VIPR2: variants seen among roughly 807,000 people sequenced by gnomAD.
The protein encoded by VIPR2 is vasoactive intestinal polypeptide receptor 2.
Under a neutral mutation model 58.0 loss-of-function variants are expected in VIPR2, and 48 were observed. That is an observed-to-expected ratio of 0.83 (90% CI 0.66 to 1.05). VIPR2 has a LOEUF of 1.05. Ranked by LOEUF, VIPR2 falls within the 50% of genes least tolerant of loss-of-function variation. The pLI, the probability that VIPR2 is intolerant of heterozygous loss-of-function variation, is 0.00. For synonymous variants in VIPR2, 243 were observed against 235.2 expected, an observed-to-expected ratio of 1.03 and a Z score of -0.30; for missense variants, 534 against 558.0, an observed-to-expected ratio of 0.96 and a Z score of 0.43.
At chr7:159,117,541 T>C (rs1234948844) in intron 2 of VIPR2, 1 of 649,774 alleles carries the variant, frequency 1.5e-6, no homozygotes, top group Non-Finnish European at 2.8e-6. Context: ...GCAACTCCAG[T>C]TGTCACCTGC....
chr7:159,074,367 T>C (rs1856544263), intron 4 of VIPR2, among the ~76,000 whole-genome samples: 1 of 152,202 alleles, frequency 6.6e-6, no homozygotes, highest in African/African-American at 2.4e-5. Context: ...CAGGACGCCA[T>C]TTCCTATGTT....
At chr7:159,042,967 C>T in intron 6 of VIPR2, 68 bp downstream of exon 6, 1 of 1,564,410 alleles carries the variant, frequency 6.4e-7, no homozygotes, top group Non-Finnish European at 8.7e-7. Flanking sequence ...GAGACGTCCT[C>T]ATCGTGAGAA....
rs567676523 is a variant in VIPR2 at position 159,078,056 on chromosome 7, A to C, written c.358-19478T>G. Among the ~76,000 whole-genome samples the C allele has an allele frequency of 7.2e-5, 11 of 152,236 alleles. 1 individual carries two copies. Among genetic ancestry groups the C allele is most frequent in the Admixed American group, 6.5e-4 (10 of 15,282 alleles). On this transcript the variant is annotated intron_variant, in intron 4 of 12. Transcript: ENST00000262178. ...GAGAAATCGCTGCCACAGTTCATGC[A>C]TGGACAACATTCATGCCTGTTCCTG...
chr7:159,130,482 C>A (rs1184175596), intron 2 of VIPR2, among the ~76,000 whole-genome samples: 1 of 151,770 alleles, frequency 6.6e-6, no homozygotes, highest in Non-Finnish European at 1.5e-5. Context: ...TGTCTGACAC[C>A]ATGGCTCCAC....
intron 4 of VIPR2, among the ~76,000 whole-genome samples, chr7:159,060,112 A>G (rs1855554486): frequency 7.0e-6 from 1 of 143,712 alleles, no homozygotes; most frequent in African/African-American, 2.6e-5. Context: ...TCACCTAATC[A>G]CCACCTTCAC....
At chr7:159,036,051 G>A (rs144147346) in intron 7 of VIPR2, 39 bp from the exon 8 acceptor site, 249 of 1,596,610 alleles carry the variant, frequency 1.6e-4, no homozygotes, top group African/African-American at 4.2e-4. Flanking sequence ...GGAGCGGAGC[G>A]GTGTGCACGC....
At chr7:159,126,553 A>C (rs993084807) in intron 2 of VIPR2, among the ~76,000 whole-genome samples, 11 of 152,242 alleles carry the variant, frequency 7.2e-5, no homozygotes, top group Non-Finnish European at 7.3e-5. Flanking sequence ...CCTGGAATGC[A>C]CGGAGTACAG....
intron 8 of VIPR2, 95 bp downstream of exon 8, chr7:159,035,857 C>T (rs935713356): frequency 1.2e-5 from 19 of 1,524,078 alleles, no homozygotes; most frequent in Non-Finnish European, 1.4e-5. Flanking sequence ...GCTCCCTGTC[C>T]TTCCAACCAG....
chr7:159,085,452 C>T (rs1303053220), intron 4 of VIPR2, among the ~76,000 whole-genome samples: 2 of 152,186 alleles, frequency 1.3e-5, no homozygotes, highest in Admixed American at 6.5e-5. Context: ...CGTGCCACCA[C>T]GCCCGGCTAA....
At chr7:159,040,727 G>A (rs1854275572) in intron 6 of VIPR2, among the ~76,000 whole-genome samples, 1 of 152,222 alleles carries the variant, frequency 6.6e-6, no homozygotes, top group Non-Finnish European at 1.5e-5. Context: ...TCAACTGGAA[G>A]GAAAGCTATT....
At chr7:159,074,748 G>A (rs898344590) in intron 4 of VIPR2, among the ~76,000 whole-genome samples, 3 of 152,206 alleles carry the variant, frequency 2.0e-5, no homozygotes, top group African/African-American at 7.2e-5. Context: ...AACACTTTGG[G>A]AGGCTGAGGT....
At chr7:159,072,217 G>C (rs1856445215) in intron 4 of VIPR2, among the ~76,000 whole-genome samples, 1 of 151,904 alleles carries the variant, frequency 6.6e-6, no homozygotes, top group South Asian at 2.1e-4. Flanking sequence ...AAGGCACGAT[G>C]GTACCGGCAG....
At chr7:159,107,471 G>C (rs1209834943) in intron 3 of VIPR2, among the ~76,000 whole-genome samples, 3 of 152,214 alleles carry the variant, frequency 2.0e-5, no homozygotes, top group Admixed American at 6.5e-5. Context: ...TTGGCTCATT[G>C]CCTCCTGGAG....
chr7:159,055,147 G>A (rs1041873734), intron 5 of VIPR2, among the ~76,000 whole-genome samples: 1 of 152,096 alleles, frequency 6.6e-6, no homozygotes, highest in Non-Finnish European at 1.5e-5. Context: ...AATAAAACAT[G>A]GTAACTCCAT....
In VIPR2 at chr7:159,031,308, C is replaced by G. The variant is rs919564457; in HGVS notation, c.1144-519G>C. On this transcript the variant is annotated intron_variant, in intron 12 of 12. Transcript: ENST00000262178. This position sits in a 1 kb window ranked among gnomAD's most constrained non-coding sequence, Gnocchi z 4.0. ...TGTCAAGCAAAGAAAGCGCCAGCAA[C>G]CGCAGCGTGGGGCGGGAGGGTCAGG... is the stretch of plus-strand genomic sequence containing the variant. Among the ~76,000 whole-genome samples, 1 of 152,056 alleles carries G rather than the reference C, an allele frequency of 6.6e-6. No individual in the cohort carries two copies. The highest frequency in any genetic ancestry group is 1.5e-5 in the Non-Finnish European group (1 of 67,994).
Position 159,098,377 on chromosome 7 carries a change from A to T in VIPR2, c.357+5380T>A, listed in dbSNP as rs1857994513. Among the ~76,000 whole-genome samples, 1 of 152,132 alleles carries T rather than the reference A, an allele frequency of 6.6e-6. No homozygotes were observed. Among genetic ancestry groups the T allele is most frequent in the South Asian group, 2.1e-4 (1 of 4,824 alleles). ...CAAGGACTGGGGCCATTGCTCCTTG[A>T]TACACTGTGGATGAAACCCTTTACT... On this transcript the variant is annotated intron_variant, in intron 4 of 12. Transcript: ENST00000262178. This position sits in a 1 kb window ranked among gnomAD's most constrained non-coding sequence, Gnocchi z 5.2.
At chr7:159,079,065 G>A (rs1856783630) in intron 4 of VIPR2, among the ~76,000 whole-genome samples, 1 of 152,098 alleles carries the variant, frequency 6.6e-6, no homozygotes, top group Admixed American at 6.6e-5. Flanking sequence ...GTGGTGACAG[G>A]AATGCTGAAT....
intron 1 of VIPR2, chr7:159,144,372 C>G: frequency 1.3e-6 from 2 of 1,543,168 alleles, no homozygotes; most frequent in Non-Finnish European, 1.7e-6. Flanking sequence ...ACGCGCAGCC[C>G]GCGCAGGCGC....
intron 4 of VIPR2, among the ~76,000 whole-genome samples, chr7:159,089,599 G>A (rs953665579): frequency 7.9e-5 from 12 of 152,172 alleles, no homozygotes; most frequent in Non-Finnish European, 1.5e-4. Context: ...AATATTATTA[G>A]CACATGCTAG....
Sources: allele counts gnomAD v4.1 joint callset (sites outside exome capture counted in the v4.1 genomes callset), GRCh38; gene constraint gnomAD v4.1.1; non-coding constraint Gnocchi (gnomAD v3.1); transcripts MANE v1.5; gene names NCBI Gene and HGNC (gene_info 2026-07-23, HGNC 2026-07-21).